The following MAPRE2 variants were observed in gnomAD, a reference collection of about 807,000 sequenced individuals.
MAPRE2 encodes microtubule associated protein RP/EB family member 2.
MAPRE2 carries 13 observed loss-of-function variants against 43.2 expected under a neutral mutation model. The observed-to-expected ratio is 0.30, with a 90% CI of 0.20 to 0.48. The LOEUF is 0.48. Among genes scored for constraint, MAPRE2 ranks in the 20% least tolerant of loss-of-function variants. MAPRE2 has a pLI of 0.99. For missense variants in MAPRE2, 161 were observed against 400.2 expected (o/e 0.40, Z 5.10); for synonymous variants, 135 against 148.8 (o/e 0.91, Z 0.68).
intron 2 of MAPRE2, among the ~76,000 whole-genome samples, chr18:35,030,244 TTCTC>T (rs2097047183): frequency 6.6e-6 from 1 of 152,158 alleles, no homozygotes; most frequent in South Asian, 2.1e-4. Context: ...GTCCTTTTTA[TTCTC>T]TCTGTCTCTC....
chr18:35,035,088 T>A lies in MAPRE2; in HGVS notation c.-8+29535T>A, dbSNP rs375342851. Reference sequence around the variant, plus strand: ...GTATGTTTATTGCGGCACTATTCACTATAGCAAAGACTTGGAACCAACCCA... The same window carrying A: ...GTATGTTTATTGCGGCACTATTCACAATAGCAAAGACTTGGAACCAACCCA... On this transcript the variant is annotated intron_variant, in intron 2 of 7. Transcript: ENST00000413393. Among the ~76,000 whole-genome samples the A allele has an allele frequency of 4.1e-4, 62 of 149,512 alleles. 1 individual carries two copies. Among genetic ancestry groups the A allele is most frequent in the Admixed American group, 2.9e-3 (44 of 14,928 alleles).
At chr18:35,018,523 G>A (rs2097039908) in intron 2 of MAPRE2, among the ~76,000 whole-genome samples, 1 of 151,210 alleles carries the variant, frequency 6.6e-6, no homozygotes, top group Non-Finnish European at 1.5e-5. Context: ...GGTCTGCTCA[G>A]GGTTTCGATT....
intron 6 of MAPRE2, among the ~76,000 whole-genome samples, chr18:35,134,357 A>G (rs952009869): frequency 3.3e-5 from 5 of 152,244 alleles, no homozygotes; most frequent in Admixed American, 6.5e-5. Flanking sequence ...CTGATTGAGC[A>G]TTTAGCATGT....
chr18:35,096,111 T>C (rs1379791392), intron 2 of MAPRE2, among the ~76,000 whole-genome samples: 2 of 152,156 alleles, frequency 1.3e-5, no homozygotes, highest in Non-Finnish European at 2.9e-5. Context: ...CAGTAAAGGA[T>C]GCCTAACCTT....
intron 2 of MAPRE2, among the ~76,000 whole-genome samples, chr18:35,006,731 G>A (rs2097032051): frequency 1.3e-5 from 2 of 152,210 alleles, no homozygotes; most frequent in South Asian, 2.1e-4. Context: ...TGTAGGCTGA[G>A]GTGAGCACAT....
At chr18:35,135,403 A>G (rs1232255299) in intron 6 of MAPRE2, among the ~76,000 whole-genome samples, 1 of 151,650 alleles carries the variant, frequency 6.6e-6, no homozygotes, top group East Asian at 1.9e-4. Flanking sequence ...CTAGCACTCC[A>G]CCTCCCAGAG....
chr18:35,070,351 T>A (rs1388618867), intron 2 of MAPRE2, 29 bp downstream of exon 2: 3 of 1,559,426 alleles, frequency 1.9e-6, no homozygotes, highest in East Asian at 4.6e-5. Flanking sequence ...AGTGTTTACC[T>A]AAATATTTAC....
chr18:35,041,248 C>G (rs145514948), upstream of MAPRE2: 141 of 1,206,352 alleles, frequency 1.2e-4, 2 homozygotes, highest in Non-Finnish European at 1.5e-4. Flanking sequence ...CCTGGAGCTG[C>G]TGGCGTGGTC....
intron 2 of MAPRE2, among the ~76,000 whole-genome samples, chr18:35,072,715 G>C (rs1260327588): frequency 6.6e-6 from 1 of 152,130 alleles, no homozygotes; most frequent in African/African-American, 2.4e-5. Flanking sequence ...TGATCTTAAA[G>C]CATTGGTGTA....
intron 1 of MAPRE2, among the ~76,000 whole-genome samples, chr18:34,985,490 G>GCATAT (rs1568961911): frequency 3.2e-5 from 1 of 31,074 alleles, no homozygotes; most frequent in Non-Finnish European, 5.4e-5. Context: ...TATATATATT[G>GCATAT]TATATTATAT....
chr18:34,977,203 G>C (rs1207472883), intron 1 of MAPRE2: 1 of 152,666 alleles, frequency 6.6e-6, no homozygotes, highest in Admixed American at 6.5e-5. Context: ...TGCAGCCCGC[G>C]GGGCTCGGAG....
At chr18:35,064,944 G>T (rs1906760439) in intron 1 of MAPRE2, among the ~76,000 whole-genome samples, 1 of 152,148 alleles carries the variant, frequency 6.6e-6, no homozygotes, top group Non-Finnish European at 1.5e-5. Context: ...GCCTGCTAGA[G>T]GTCTGAAGGG....
intron 2 of MAPRE2, among the ~76,000 whole-genome samples, chr18:35,010,183 T>C (rs1052722765): frequency 1.2e-4 from 18 of 152,108 alleles, no homozygotes; most frequent in African/African-American, 4.1e-4. Flanking sequence ...GGCCAGGGGT[T>C]CAAGACCAGC....
At chr18:35,118,659 A>G (rs1909527106) in intron 4 of MAPRE2, among the ~76,000 whole-genome samples, 1 of 152,102 alleles carries the variant, frequency 6.6e-6, no homozygotes, top group South Asian at 2.1e-4. Context: ...AGGCAGAGTG[A>G]GCCTTTTGAA....
chr18:35,057,882 C>T (rs1172919863), intron 1 of MAPRE2, among the ~76,000 whole-genome samples: 1 of 152,128 alleles, frequency 6.6e-6, no homozygotes, highest in Non-Finnish European at 1.5e-5. Context: ...TAGTATTTCC[C>T]CACTGCTCCA....
chr18:35,073,190 A>T (rs1164833616), intron 2 of MAPRE2, among the ~76,000 whole-genome samples: 1 of 152,178 alleles, frequency 6.6e-6, no homozygotes, highest in African/African-American at 2.4e-5. Flanking sequence ...ACCAACAAAA[A>T]TGAGGTTAAA....
intron 2 of MAPRE2, among the ~76,000 whole-genome samples, chr18:35,072,907 T>C (rs966726335): frequency 6.6e-6 from 1 of 152,166 alleles, no homozygotes; most frequent in Non-Finnish European, 1.5e-5. Context: ...ATTTAAAGTT[T>C]CCTTTCTGCT....
intron 2 of MAPRE2, among the ~76,000 whole-genome samples, chr18:35,023,452 C>A (rs2097043174): frequency 6.6e-6 from 1 of 151,758 alleles, no homozygotes. Context: ...TCAGAGCTTG[C>A]AGTGAGCAGA....
chr18:35,050,488 G>A (rs1476625179), intron 1 of MAPRE2, among the ~76,000 whole-genome samples: 1 of 152,190 alleles, frequency 6.6e-6, no homozygotes, highest in Non-Finnish European at 1.5e-5. Flanking sequence ...TTTCTCCAGA[G>A]TACATTGAAG....
Sources: gnomAD v4.1 joint callset for allele counts (sites outside exome capture counted in the v4.1 genomes callset) on GRCh38, gnomAD v4.1.1 for gene constraint, MANE v1.5 for transcripts, NCBI Gene and HGNC (gene_info 2026-07-23, HGNC 2026-07-21) for gene names.